The following CSMD1 variants were observed in gnomAD, a reference collection of about 807,000 sequenced individuals.
The protein encoded by CSMD1 is CUB and Sushi multiple domains 1, also known as CUB and sushi domain-containing protein 1.
Under a neutral mutation model 417.5 loss-of-function variants are expected in CSMD1, and 213 were observed. That is an observed-to-expected ratio of 0.51 (90% CI 0.46 to 0.57). CSMD1 has a LOEUF of 0.57. CSMD1 is among the 20% of genes least tolerant of loss of function. The probability of loss-of-function intolerance (pLI) is 0.00; values close to 1 mark genes in which losing one functional copy is unlikely to be tolerated. For missense variants in CSMD1, 6,923 were observed against 4,529.7 expected (o/e 1.53, Z -15.17); for synonymous variants, 2,862 against 1,736.8 (o/e 1.65, Z -16.11).
At chr8:4,821,740 T>C (rs1353163139) in intron 1 of CSMD1, among the ~76,000 whole-genome samples, 1 of 152,124 alleles carries the variant, frequency 6.6e-6, no homozygotes, top group Non-Finnish European at 1.5e-5. Flanking sequence ...GTTCTTGTGT[T>C]ATAAGTGATG....
chr8:4,870,217 C>A (rs536954466), intron 1 of CSMD1, among the ~76,000 whole-genome samples: 20 of 152,196 alleles, frequency 1.3e-4, no homozygotes, highest in Admixed American at 2.6e-4. Context: ...CCTGGTCCTT[C>A]TTCATCCCAC....
intron 1 of CSMD1, among the ~76,000 whole-genome samples, chr8:4,902,602 T>A (rs750017880): frequency 5.3e-5 from 8 of 152,342 alleles, no homozygotes; most frequent in Admixed American, 1.3e-4. Flanking sequence ...ATAACATCCT[T>A]TGACCATTGT....
intron 2 of CSMD1, among the ~76,000 whole-genome samples, chr8:4,493,562 A>T (rs1347864226): frequency 6.6e-6 from 1 of 152,022 alleles, no homozygotes; most frequent in East Asian, 1.9e-4. Context: ...TAGCCAGGCA[A>T]TGGGGCATGC....
rs530700319 is a variant in CSMD1 at position 4,924,354 on chromosome 8, TTTCTG to T, written c.85+69973_85+69977del. Reference sequence around the variant, plus strand: ...ATTTTCCTCTCAAGAATTTGAACGTTTTCTGTTCTATTTTTATTGAATTAAAAACC... The same window carrying T: ...ATTTTCCTCTCAAGAATTTGAACGTTTTCTATTTTTATTGAATTAAAAACC... On this transcript the variant is annotated intron_variant, in intron 1 of 69. Coordinates refer to ENST00000635120, the MANE Select transcript of CSMD1 (RefSeq NM_033225.6). 2.1e-3 allele frequency among the ~76,000 whole-genome samples: 326 copies of T among 152,332 alleles called. 1 individual carries two copies. Among genetic ancestry groups the T allele is most frequent in the African/African-American group, 7.5e-3 (312 of 41,580 alleles).
At chr8:4,297,635 A>G (rs962155909) in intron 3 of CSMD1, among the ~76,000 whole-genome samples, 2 of 152,142 alleles carry the variant, frequency 1.3e-5, no homozygotes, top group African/African-American at 4.8e-5. Flanking sequence ...TTGACCTTTC[A>G]AAAGTTCACA....
At chr8:4,951,323 A>C (rs994613642) in intron 1 of CSMD1, among the ~76,000 whole-genome samples, 2 of 152,056 alleles carry the variant, frequency 1.3e-5, no homozygotes, top group Non-Finnish European at 2.9e-5. Flanking sequence ...GACTTCACAA[A>C]CCATATTTCT....
At chr8:4,795,313 C>T (rs1797917570) in intron 1 of CSMD1, among the ~76,000 whole-genome samples, 2 of 108,814 alleles carry the variant, frequency 1.8e-5, no homozygotes, top group African/African-American at 7.1e-5. Flanking sequence ...GCTCTGTCGC[C>T]TAGGCTGGAG....
At chr8:4,883,276 C>G (rs1803530632) in intron 1 of CSMD1, among the ~76,000 whole-genome samples, 1 of 151,942 alleles carries the variant, frequency 6.6e-6, no homozygotes, top group African/African-American at 2.4e-5. Context: ...AATATAGATA[C>G]AAGATAAATA....
intron 2 of CSMD1, among the ~76,000 whole-genome samples, chr8:4,480,881 T>C (rs567782537): frequency 1.2e-4 from 18 of 152,342 alleles, no homozygotes; most frequent in Admixed American, 3.9e-4. Flanking sequence ...GTTAAAGATC[T>C]AGATTCCTGG....
At chr8:3,043,266 T>G (rs114989120) in intron 50 of CSMD1, among the ~76,000 whole-genome samples, 171 of 148,560 alleles carry the variant, frequency 1.2e-3, no homozygotes, top group African/African-American at 4.1e-3. Context: ...TATAGTACTA[T>G]AGCGAATATA....
intron 5 of CSMD1, among the ~76,000 whole-genome samples, chr8:3,893,859 A>G (rs1226405197): frequency 6.6e-6 from 1 of 152,126 alleles, no homozygotes; most frequent in Non-Finnish European, 1.5e-5. Flanking sequence ...TAAAATAGTA[A>G]AAAACACACC....
At chr8:3,286,798 C>G (rs959224702) in intron 25 of CSMD1, among the ~76,000 whole-genome samples, 2 of 152,092 alleles carry the variant, frequency 1.3e-5, no homozygotes, top group Non-Finnish European at 2.9e-5. Context: ...ATGGTAGTTT[C>G]TTGTGCTGTG....
intron 3 of CSMD1, among the ~76,000 whole-genome samples, chr8:4,145,633 G>A (rs988960186): frequency 6.6e-6 from 1 of 150,810 alleles, no homozygotes; most frequent in Non-Finnish European, 1.5e-5. Flanking sequence ...AAGCGATCCT[G>A]CCCACTTGGC....
chr8:3,486,660 C>G (rs1039660371), intron 11 of CSMD1, among the ~76,000 whole-genome samples: 5 of 152,242 alleles, frequency 3.3e-5, no homozygotes, highest in African/African-American at 9.6e-5. Flanking sequence ...ACCTTATTTG[C>G]AGCAGCAGCT....
At chr8:2,992,613 A>AG (rs35648100) in intron 54 of CSMD1, among the ~76,000 whole-genome samples, 320 of 151,590 alleles carry the variant, frequency 2.1e-3, no homozygotes, top group African/African-American at 7.2e-3. Flanking sequence ...TTTAGTAGAG[A>AG]GGGGGGTTTC....
At chr8:3,383,981 C>T (rs1268289460) in intron 18 of CSMD1, among the ~76,000 whole-genome samples, 1 of 152,100 alleles carries the variant, frequency 6.6e-6, no homozygotes, top group African/African-American at 2.4e-5. Flanking sequence ...ACAGGACCTT[C>T]CCTGGATAAT....
Position 4,952,181 on chromosome 8 carries a change from G to A in CSMD1, c.85+42151C>T, listed in dbSNP as rs112798762. ...TTATCACACACACCTCTCCTACACA[G>A]GAAAAGTAATGTAATCAAAACGTAA... On this transcript the variant is annotated intron_variant, in intron 1 of 69. Transcript: ENST00000635120. Among the ~76,000 whole-genome samples the A allele has an allele frequency of 3.3e-3, 500 of 152,002 alleles. 2 individuals carry two copies. Among genetic ancestry groups the A allele is most frequent in the Non-Finnish European group, 5.2e-3 (355 of 67,910 alleles).
chr8:3,855,304 A>G (rs1316439417), intron 5 of CSMD1, among the ~76,000 whole-genome samples: 1 of 152,198 alleles, frequency 6.6e-6, no homozygotes, highest in Non-Finnish European at 1.5e-5. Context: ...AACTTGAGGC[A>G]TTAAAAATTA....
chr8:4,155,143 A>T (rs567723925), intron 3 of CSMD1, among the ~76,000 whole-genome samples: 1 of 152,306 alleles, frequency 6.6e-6, no homozygotes, highest in Admixed American at 6.5e-5. Flanking sequence ...CATGCTACAG[A>T]TGAGATAAAA....
Sources: gnomAD v4.1 joint callset for allele counts (sites outside exome capture counted in the v4.1 genomes callset) on GRCh38, gnomAD v4.1.1 for gene constraint, MANE v1.5 for transcripts, NCBI Gene and HGNC (gene_info 2026-07-23, HGNC 2026-07-21) for gene names.